FHIT: variants seen among roughly 807,000 people sequenced by gnomAD.
FHIT encodes the protein fragile histidine triad diadenosine triphosphatase.
Under a neutral mutation model 17.9 loss-of-function variants are expected in FHIT, and 19 were observed. The observed-to-expected ratio is 1.06, with a 90% CI of 0.74 to 1.56. The LOEUF (loss-of-function observed/expected upper bound fraction) is 1.56. FHIT is among the 40% of genes most tolerant of loss of function. The pLI is 0.00. For synonymous variants in FHIT, 81 were observed against 69.7 expected (o/e 1.16, Z -0.81); for missense variants, 248 against 189.2 (o/e 1.31, Z -1.82).
intron 4 of FHIT, chr3:60,690,408 T>C: frequency 1.7e-6 from 1 of 579,994 alleles, no homozygotes; most frequent in South Asian, 1.4e-5. Flanking sequence ...TTGCGTTGGG[T>C]CCAGCATTTG....
intron 5 of FHIT, among the ~76,000 whole-genome samples, chr3:60,314,488 A>G (rs967154100): frequency 1.3e-5 from 2 of 152,344 alleles, no homozygotes; most frequent in Admixed American, 1.3e-4. Context: ...CCTCAAAAGG[A>G]AACTGAGAAG....
At chr3:60,048,186 T>C (rs927560129) in intron 5 of FHIT, among the ~76,000 whole-genome samples, 1 of 152,150 alleles carries the variant, frequency 6.6e-6, no homozygotes, top group Non-Finnish European at 1.5e-5. Flanking sequence ...TTCTTTGTTT[T>C]CTTCTTTTGA....
At chr3:60,066,838 A>G (rs1273011607) in intron 5 of FHIT, among the ~76,000 whole-genome samples, 1 of 151,546 alleles carries the variant, frequency 6.6e-6, no homozygotes, top group Non-Finnish European at 1.5e-5. Flanking sequence ...TTATATTTTT[A>G]GTAGAGACGG....
intron 4 of FHIT, chr3:60,537,401 T>C: frequency 1.2e-6 from 1 of 841,854 alleles, no homozygotes; most frequent in Non-Finnish European, 1.4e-6. Context: ...AATGCTTCTC[T>C]CAAATGGTTT....
chr3:60,917,753 T>G (rs1707080973), intron 3 of FHIT, among the ~76,000 whole-genome samples: 1 of 152,250 alleles, frequency 6.6e-6, no homozygotes, highest in Non-Finnish European at 1.5e-5. Context: ...ATCAAATGCA[T>G]GCAGATTTAC....
At chr3:59,876,191 A>G (rs1703151094) in intron 8 of FHIT, among the ~76,000 whole-genome samples, 1 of 151,792 alleles carries the variant, frequency 6.6e-6, no homozygotes, top group Admixed American at 6.6e-5. Context: ...GTATCTTACC[A>G]CAAATATATA....
intron 5 of FHIT, among the ~76,000 whole-genome samples, chr3:60,106,009 G>A (rs1272612814): frequency 1.3e-5 from 2 of 152,156 alleles, no homozygotes; most frequent in African/African-American, 4.8e-5. Context: ...GTTTTCAACT[G>A]CAAGCAGTTC....
intron 1 of FHIT, among the ~76,000 whole-genome samples, chr3:61,208,625 T>G (rs59910027): frequency 0.074 from 11,313 of 152,130 alleles, 508 homozygotes; most frequent in Admixed American, 0.099. Flanking sequence ...TATCAGTGAC[T>G]AGGATTGCAA....
chr3:60,018,412 C>A (rs1559553080), intron 5 of FHIT, among the ~76,000 whole-genome samples: 2 of 152,150 alleles, frequency 1.3e-5, no homozygotes, highest in Non-Finnish European at 2.9e-5. Flanking sequence ...AGCAGTGTTG[C>A]TGTGTGACTT....
intron 5 of FHIT, among the ~76,000 whole-genome samples, chr3:60,031,955 A>AT (rs1701020870): frequency 6.6e-6 from 1 of 152,224 alleles, no homozygotes; most frequent in Admixed American, 6.5e-5. Flanking sequence ...AATCACAGGT[A>AT]TTTAAAAAAT....
intron 5 of FHIT, among the ~76,000 whole-genome samples, chr3:60,326,438 T>C (rs1233606448): frequency 1.3e-5 from 2 of 151,886 alleles, no homozygotes; most frequent in Non-Finnish European, 1.5e-5. Context: ...CCTATGAGAA[T>C]CTAATCCTGC....
chr3:60,143,971 G>A (rs937785476), intron 5 of FHIT, among the ~76,000 whole-genome samples: 4 of 152,122 alleles, frequency 2.6e-5, no homozygotes, highest in African/African-American at 4.8e-5. Context: ...AGAGACCAAC[G>A]GCTTCCAAAG....
At chr3:61,097,886 C>T (rs1316862873) in intron 2 of FHIT, among the ~76,000 whole-genome samples, 1 of 152,000 alleles carries the variant, frequency 6.6e-6, no homozygotes, top group African/African-American at 2.4e-5. Flanking sequence ...AAATTTTCTC[C>T]CATTCTGTAG....
At chr3:60,248,200 C>A (rs527613122) in intron 5 of FHIT, among the ~76,000 whole-genome samples, 1 of 152,238 alleles carries the variant, frequency 6.6e-6, no homozygotes, top group South Asian at 2.1e-4. Context: ...AAAATCCACT[C>A]CCTAGGTTTA....
chr3:61,104,343 T>C (rs1214920478), intron 2 of FHIT, among the ~76,000 whole-genome samples: 1 of 152,214 alleles, frequency 6.6e-6, no homozygotes, highest in South Asian at 2.1e-4. Flanking sequence ...TTTGGCTGGA[T>C]ATGAAATTCT....
In FHIT at chr3:60,027,133, AC is replaced by A. The variant is rs1559559986; in HGVS notation, c.104-12982del. ...GACACACACACACACACACACACAC[AC>A]ACACACACACACACAAAATTAGTAA... On this transcript the variant is annotated intron_variant, in intron 5 of 9. Transcript: ENST00000492590. Among the ~76,000 whole-genome samples, 370 of 133,320 alleles carry A rather than the reference AC, an allele frequency of 2.8e-3. 11 individuals carry two copies. Among genetic ancestry groups the A allele is most frequent in the South Asian group, 0.025 (95 of 3,868 alleles). 87.5% of individuals were successfully genotyped at this position (133,320 alleles called of 152,430 possible). A position where few individuals can be genotyped will look rare whatever the true frequency, so the allele number is the denominator to read the frequency against.
chr3:60,502,638 T>A (rs932258505), intron 5 of FHIT, among the ~76,000 whole-genome samples: 2 of 152,194 alleles, frequency 1.3e-5, no homozygotes, highest in Non-Finnish European at 2.9e-5. Context: ...ATTTATTGCC[T>A]ACCATGTACC....
chr3:59,882,314 T>C (rs1461836309), intron 8 of FHIT, among the ~76,000 whole-genome samples: 1 of 152,264 alleles, frequency 6.6e-6, no homozygotes. Flanking sequence ...ATTTCAGGAA[T>C]CATACTATTG....
intron 3 of FHIT, among the ~76,000 whole-genome samples, chr3:60,845,619 G>C (rs1702901312): frequency 6.6e-6 from 1 of 152,122 alleles, no homozygotes; most frequent in Non-Finnish European, 1.5e-5. Context: ...TGGGGCCCCA[G>C]AATTTATTTA....
Sources: gnomAD v4.1 joint callset for allele counts (sites outside exome capture counted in the v4.1 genomes callset) on GRCh38, gnomAD v4.1.1 for gene constraint, MANE v1.5 for transcripts, NCBI Gene and HGNC (gene_info 2026-07-23, HGNC 2026-07-21) for gene names.